POC1B: variants seen among roughly 807,000 people sequenced by gnomAD.
The protein encoded by POC1B is POC1 centriolar protein B.
In POC1B, 44 loss-of-function variants were observed where a neutral mutation model predicts 60.6. The observed-to-expected ratio is 0.73, with a 90% CI of 0.57 to 0.93. The LOEUF is 0.93. Ranked by LOEUF, POC1B falls within the 40% of genes least tolerant of loss-of-function variation. POC1B has a pLI of 0.00. For missense variants in POC1B, 555 were observed against 572.3 expected (o/e 0.97, Z 0.31); for synonymous variants, 180 against 198.9 (o/e 0.90, Z 0.80).
intron 9 of POC1B, 108 bp from the exon 10 acceptor site, chr12:89,459,826 A>G: frequency 3.4e-6 from 2 of 581,566 alleles, no homozygotes; most frequent in South Asian, 3.8e-5. Flanking sequence ...AAATTAAAAT[A>G]TATTGGTATA....
chr12:89,426,579 G>A (rs867883045), intron 10 of POC1B: 2 of 152,154 alleles, frequency 1.3e-5, no homozygotes, highest in Non-Finnish European at 2.9e-5. Flanking sequence ...TGTAATCCCA[G>A]CACTTTGGGA....
chr12:89,409,958 G>A, the POC1B span, among the ~76,000 whole-genome samples: 1 of 152,152 alleles, frequency 6.6e-6, no homozygotes, highest in African/African-American at 2.4e-5. Context: ...CATTTTATGA[G>A]GCCAGCATCA....
At chr12:89,518,628 C>A (rs1472868414) in intron 2 of POC1B, among the ~76,000 whole-genome samples, 2 of 152,114 alleles carry the variant, frequency 1.3e-5, no homozygotes, top group East Asian at 1.9e-4. Context: ...TAATCCCCTA[C>A]CCCCTGCCAC....
At position 89,467,677 on chromosome 12, in the gene POC1B, G is replaced by C; in HGVS notation, c.819C>G (p.Val273=). The change falls in exon 8 of 12, where the codon GTC becomes GTG. Residue 273 remains valine, a synonymous_variant. Coordinates refer to ENST00000313546, the MANE Select transcript of POC1B (RefSeq NM_172240.3). ...IYTLQGHTGP[V]FTVSFSKGGE... ...CACCTTTTGAAAATGAAACAGTAAA[G>C]ACAGGTCCCTGAGAAATAAAGGGAA... 1 of 1,610,204 alleles carries C rather than the reference G, an allele frequency of 6.2e-7. No individual in the cohort carries two copies. Among genetic ancestry groups the C allele is most frequent in the South Asian group, 1.1e-5 (1 of 90,742 alleles).
intron 10 of POC1B, among the ~76,000 whole-genome samples, chr12:89,436,081 A>T (rs927832476): frequency 3.3e-5 from 5 of 151,896 alleles, no homozygotes; most frequent in Admixed American, 2.0e-4. Flanking sequence ...AGTAGCTGAG[A>T]CTACAGGTGC....
intron 2 of POC1B, among the ~76,000 whole-genome samples, chr12:89,510,353 A>G (rs1282455601): frequency 6.6e-6 from 1 of 152,176 alleles, no homozygotes; most frequent in African/African-American, 2.4e-5. Context: ...GTGCTCAGAG[A>G]GATTTCCTCT....
Position 89,421,230 on chromosome 12 carries a change from T to A in POC1B, c.1360A>T (p.Thr454Ser). The change falls in exon 12 of 12, where the codon ACT becomes TCT. Residue 454 changes from threonine to serine, a missense_variant. Thr to Ser is a moderately conservative substitution (Grantham distance 58, BLOSUM62 1). Transcript: ENST00000313546. ...TCTTTCAGCTTATCCTCTGTCAAAG[T>A]CAGTCGCTGCTCCAAGATTGAAACA... is the stretch of plus-strand genomic sequence containing the variant. Reference protein sequence around the residue: ...QTVSILEQRLTLTEDKLKDCL... With the variant: ...QTVSILEQRLSLTEDKLKDCL... 1.9e-6 allele frequency: 3 copies of A among 1,600,490 alleles called. No individual in the cohort carries two copies. In the East Asian group the frequency reaches 6.7e-5, roughly 36 times the overall value.
Position 89,434,651 on chromosome 12 carries a change from A to G in POC1B, c.1114-9272T>C, listed in dbSNP as rs375878445. Among the ~76,000 whole-genome samples, 4 of 152,348 alleles carry G rather than the reference A, an allele frequency of 2.6e-5. No individual in the cohort carries two copies. The South Asian group carries it at 6.2e-4, about 24-fold the overall frequency. ...AATGAACATAACACCAACTTTCTGC[A>G]TAAAATTTCCTGCAAACTCAAAAGG... is the stretch of plus-strand genomic sequence containing the variant. On this transcript the variant is annotated intron_variant, in intron 10 of 11. Coordinates refer to ENST00000313546, the MANE Select transcript of POC1B (RefSeq NM_172240.3).
At chr12:89,432,458 G>A (rs1881076982) in intron 10 of POC1B, among the ~76,000 whole-genome samples, 2 of 139,014 alleles carry the variant, frequency 1.4e-5, no homozygotes, top group Non-Finnish European at 3.1e-5. Context: ...GCCATGTAAG[G>A]AAACATTTTC....
chr12:89,486,908 C>T (rs1868665324), intron 4 of POC1B, among the ~76,000 whole-genome samples: 1 of 151,830 alleles, frequency 6.6e-6, no homozygotes, highest in South Asian at 2.1e-4. Context: ...CTCTCTCACA[C>T]ACACACAGAC....
intron 4 of POC1B, among the ~76,000 whole-genome samples, chr12:89,482,108 T>C (rs1352327887): frequency 6.6e-6 from 1 of 152,162 alleles, no homozygotes; most frequent in Admixed American, 6.5e-5. Context: ...ATGGCATAGA[T>C]GTTGGAATTA....
chr12:89,455,526 T>C (rs1421929848), intron 10 of POC1B, among the ~76,000 whole-genome samples: 1 of 152,224 alleles, frequency 6.6e-6, no homozygotes, highest in African/African-American at 2.4e-5. Flanking sequence ...CAGTTACTTC[T>C]GTCTGGCTAG....
At chr12:89,472,833 G>A (rs1432155375) in intron 4 of POC1B, 1 of 152,528 alleles carries the variant, frequency 6.6e-6, no homozygotes, top group East Asian at 1.9e-4. Context: ...CTGAAAATAG[G>A]ACAATTCATT....
At chr12:89,488,858 G>A (rs1235335515) in intron 4 of POC1B, among the ~76,000 whole-genome samples, 10 of 152,082 alleles carry the variant, frequency 6.6e-5, no homozygotes, top group Admixed American at 1.3e-4. Context: ...CAACCGTCAC[G>A]TTTTTGCTTA....
At chr12:89,405,773 G>A in the POC1B span, among the ~76,000 whole-genome samples, 1 of 151,602 alleles carries the variant, frequency 6.6e-6, no homozygotes, top group Non-Finnish European at 1.5e-5. Flanking sequence ...TGGGCAGCAT[G>A]GTGAGACCCT....
chr12:89,418,893 G>T (rs1394993077), downstream of POC1B, among the ~76,000 whole-genome samples: 1 of 152,082 alleles, frequency 6.6e-6, no homozygotes, highest in Non-Finnish European at 1.5e-5. Context: ...TTCCTCTATA[G>T]CAACACAAAG....
the POC1B span, among the ~76,000 whole-genome samples, chr12:89,410,099 T>C: frequency 6.6e-6 from 1 of 152,210 alleles, no homozygotes; most frequent in African/African-American, 2.4e-5. Flanking sequence ...TCAAAAAGCC[T>C]ATCTACTACG....
intron 2 of POC1B, chr12:89,520,749 A>C (rs1223526979): frequency 6.6e-6 from 1 of 152,226 alleles, no homozygotes; most frequent in African/African-American, 2.4e-5. Flanking sequence ...CATCAAGTGA[A>C]CACTAAAAGC....
At chr12:89,441,164 C>T (rs1411291056) in intron 10 of POC1B, among the ~76,000 whole-genome samples, 1 of 152,248 alleles carries the variant, frequency 6.6e-6, no homozygotes, top group Non-Finnish European at 1.5e-5. Flanking sequence ...GGCCTGCCCA[C>T]CTCTGTAGAC....
Sources: allele counts gnomAD v4.1 joint callset (sites outside exome capture counted in the v4.1 genomes callset), GRCh38; gene constraint gnomAD v4.1.1; transcripts MANE v1.5; gene names NCBI Gene and HGNC (gene_info 2026-07-23, HGNC 2026-07-21).